The following NTM variants were observed in gnomAD, a reference collection of about 807,000 sequenced individuals.
The protein encoded by NTM is IgLON family member 2.
Under a neutral mutation model 42.1 loss-of-function variants are expected in NTM, and 13 were observed. That is an observed-to-expected ratio of 0.31 (90% CI 0.20 to 0.49). The LOEUF (loss-of-function observed/expected upper bound fraction) is 0.49. Ranked by LOEUF, NTM falls within the 20% of genes least tolerant of loss-of-function variation. The pLI is 0.99. For synonymous variants in NTM, 187 were observed against 179.2 expected (o/e 1.04, Z -0.35); for missense variants, 373 against 452.8 (o/e 0.82, Z 1.60).
intron 7 of NTM, among the ~76,000 whole-genome samples, chr11:132,325,977 T>G (rs1198296450): frequency 3.7e-5 from 5 of 133,648 alleles, no homozygotes; most frequent in Non-Finnish European, 6.2e-5. Flanking sequence ...TGAGAACACA[T>G]GGACACAGGA....
At chr11:132,076,355 G>A (rs114747972) in intron 2 of NTM, among the ~76,000 whole-genome samples, 2,318 of 152,234 alleles carry the variant, frequency 0.015, 73 homozygotes, top group African/African-American at 0.054. Flanking sequence ...GTTGGGACTT[G>A]GACCATGGGC....
chr11:131,984,666 C>G (rs1222805933), intron 2 of NTM: 1 of 152,106 alleles, frequency 6.6e-6, no homozygotes, highest in South Asian at 2.1e-4. Context: ...CAGTTCCAGG[C>G]TCTTTTAAAG....
intron 4 of NTM, among the ~76,000 whole-genome samples, chr11:132,223,923 C>G (rs1490321811): frequency 6.6e-6 from 1 of 152,140 alleles, no homozygotes; most frequent in African/African-American, 2.4e-5. Context: ...TCACAAGGAG[C>G]GTTGCAGTCA....
intron 1 of NTM, among the ~76,000 whole-genome samples, chr11:131,875,869 A>G (rs1565662357): frequency 6.6e-6 from 1 of 152,110 alleles, no homozygotes; most frequent in Non-Finnish European, 1.5e-5. Context: ...CTTTCCAAGA[A>G]CTGTTTTTCA....
At chr11:131,587,529 A>C (rs1306769787) in intron 1 of NTM, among the ~76,000 whole-genome samples, 1 of 152,236 alleles carries the variant, frequency 6.6e-6, no homozygotes, top group African/African-American at 2.4e-5. Context: ...ACAAATTCAA[A>C]TTATTAAATA....
chr11:132,075,209 T>G (rs972601366), intron 2 of NTM, among the ~76,000 whole-genome samples: 33 of 152,256 alleles, frequency 2.2e-4, no homozygotes, highest in African/African-American at 7.5e-4. Context: ...GCATGGAGTT[T>G]CAGTTACGCA....
chr11:132,142,529 A>G (rs1016866959), intron 2 of NTM, among the ~76,000 whole-genome samples: 3 of 152,066 alleles, frequency 2.0e-5, no homozygotes, highest in Admixed American at 6.5e-5. Flanking sequence ...TGTCCTCTGC[A>G]TTGTTGAGGA....
chr11:131,646,443 C>G (rs976640367), intron 1 of NTM, among the ~76,000 whole-genome samples: 2 of 152,182 alleles, frequency 1.3e-5, no homozygotes, highest in Non-Finnish European at 2.9e-5. Context: ...TTTCTTTTCT[C>G]TTCTACTAGT....
intron 1 of NTM, among the ~76,000 whole-genome samples, chr11:131,574,561 AGT>A (rs3040137): frequency 0.13 from 19,583 of 147,166 alleles, 1,414 homozygotes; most frequent in African/African-American, 0.16. Context: ...TATGTGCTTG[AGT>A]GTGTGTGTGT....
chr11:131,378,249 G>C (rs1274072333), intron 1 of NTM, among the ~76,000 whole-genome samples: 1 of 152,182 alleles, frequency 6.6e-6, no homozygotes, highest in East Asian at 1.9e-4. Flanking sequence ...CCTTGGGTAA[G>C]ACACATCCCC....
chr11:132,094,098 TTTGA>T (rs1247749377), intron 2 of NTM, among the ~76,000 whole-genome samples: 1 of 152,284 alleles, frequency 6.6e-6, no homozygotes, highest in East Asian at 1.9e-4. Context: ...GTTGGCCACC[TTTGA>T]TTGGCCAAAA....
At chr11:131,381,801 C>T (rs928922507) in intron 1 of NTM, among the ~76,000 whole-genome samples, 1 of 152,160 alleles carries the variant, frequency 6.6e-6, no homozygotes, top group Non-Finnish European at 1.5e-5. Context: ...ATCAGAATCA[C>T]CTCTGGAGAT....
chr11:131,774,486 A>T (rs941605901), intron 1 of NTM, among the ~76,000 whole-genome samples: 5 of 152,236 alleles, frequency 3.3e-5, no homozygotes, highest in Non-Finnish European at 5.9e-5. Context: ...TTTCTGAAAT[A>T]GTCTTCTCCA....
intron 1 of NTM, among the ~76,000 whole-genome samples, chr11:131,764,924 T>C (rs980586680): frequency 6.6e-6 from 1 of 152,204 alleles, no homozygotes; most frequent in African/African-American, 2.4e-5. Flanking sequence ...CATCATCTGA[T>C]TAAATCATCA....
intron 1 of NTM, among the ~76,000 whole-genome samples, chr11:131,712,691 C>T (rs1395324229): frequency 6.6e-6 from 1 of 152,032 alleles, no homozygotes; most frequent in Non-Finnish European, 1.5e-5. Flanking sequence ...TCAAGTGATC[C>T]TCCCACCTCA....
chr11:132,190,430 C>A (rs555797150), intron 3 of NTM, among the ~76,000 whole-genome samples: 6 of 152,174 alleles, frequency 3.9e-5, no homozygotes, highest in Admixed American at 2.0e-4. Context: ...AGGTTCTTAA[C>A]CTTAGCATCT....
At chr11:131,608,322 G>T (rs914959423) in intron 1 of NTM, among the ~76,000 whole-genome samples, 1 of 152,098 alleles carries the variant, frequency 6.6e-6, no homozygotes, top group Non-Finnish European at 1.5e-5. Flanking sequence ...TTACATTTTT[G>T]AATGAGTGCA....
In NTM at chr11:131,932,907, T is replaced by C. The variant is rs1424887881; in HGVS notation, c.167+21259T>C. On this transcript the variant is annotated intron_variant, in intron 2 of 8. Coordinates refer to ENST00000683400, the MANE Select transcript of NTM (RefSeq NM_001352005.2). ...GACACACAAAGCCTCTTAAAAGCAATGGCCGGTGAATAAGCCAGAAGCCAT... is the reference window on the plus strand; with the variant it reads ...GACACACAAAGCCTCTTAAAAGCAACGGCCGGTGAATAAGCCAGAAGCCAT... Among the ~76,000 whole-genome samples the C allele has an allele frequency of 2.6e-5, 4 of 152,148 alleles. No homozygotes were observed. The East Asian group carries it at 7.7e-4, about 29-fold the overall frequency.
intron 3 of NTM, among the ~76,000 whole-genome samples, chr11:132,196,820 G>A (rs1373307852): frequency 6.6e-6 from 1 of 152,086 alleles, no homozygotes; most frequent in Admixed American, 6.6e-5. Flanking sequence ...CTACCTATTG[G>A]TTGCTATGGT....
Sources: allele counts gnomAD v4.1 joint callset (sites outside exome capture counted in the v4.1 genomes callset), GRCh38; gene constraint gnomAD v4.1.1; transcripts MANE v1.5; gene names NCBI Gene and HGNC (gene_info 2026-07-23, HGNC 2026-07-21).